Variants in LRBA observed in about 807,000 individuals in gnomAD.
The protein encoded by LRBA is lipopolysaccharide-responsive and beige-like anchor protein.
LRBA carries 176 observed loss-of-function variants against 330.0 expected under a neutral mutation model. That is an observed-to-expected ratio of 0.53 (90% confidence interval 0.47 to 0.60). The LOEUF (loss-of-function observed/expected upper bound fraction) is 0.60, where lower values mean the gene tolerates loss of function less well. LRBA is among the 20% of genes least tolerant of loss of function. The probability of loss-of-function intolerance (pLI) is 0.00; values close to 1 mark genes in which losing one functional copy is unlikely to be tolerated. For missense variants in LRBA, 3,259 were observed against 3,444.8 expected (o/e 0.95, Z 1.35); for synonymous variants, 1,230 against 1,193.0 (o/e 1.03, Z -0.64).
intron 37 of LRBA, among the ~76,000 whole-genome samples, chr4:150,645,926 AAAC>A (rs1779095035): frequency 1.4e-5 from 2 of 141,424 alleles, no homozygotes; most frequent in East Asian, 4.5e-4. Context: ...TCTCATTAGA[AAAC>A]CCATTACAGA....
At chr4:150,775,467 AC>A (rs1737156275) in intron 34 of LRBA, among the ~76,000 whole-genome samples, 2 of 108,160 alleles carry the variant, frequency 1.8e-5, no homozygotes, top group South Asian at 2.4e-4. Flanking sequence ...ACACACACAC[AC>A]ACACACACAC....
chr4:150,692,204 G>GTGTTTGTT (rs113091683), intron 36 of LRBA, among the ~76,000 whole-genome samples: 10 of 151,730 alleles, frequency 6.6e-5, no homozygotes, highest in African/African-American at 1.7e-4. Context: ...TATTTAAGAA[G>GTGTTTGTT]TGTTTGTTTG....
At chr4:150,914,618 T>G (rs1485693565) in intron 8 of LRBA, among the ~76,000 whole-genome samples, 1 of 152,138 alleles carries the variant, frequency 6.6e-6, no homozygotes, top group Non-Finnish European at 1.5e-5. Context: ...TTACTTAACC[T>G]CTTTGTACTT....
At chr4:150,803,079 T>TACAC (rs1203657007) in intron 33 of LRBA, among the ~76,000 whole-genome samples, 5 of 108,220 alleles carry the variant, frequency 4.6e-5, no homozygotes, top group African/African-American at 2.0e-4. Flanking sequence ...AAAAAAAATA[T>TACAC]ATATACACAC....
At chr4:150,485,407 A>C (rs1271830147) in intron 42 of LRBA, among the ~76,000 whole-genome samples, 3 of 151,862 alleles carry the variant, frequency 2.0e-5, no homozygotes. Flanking sequence ...TTATGGGTTG[A>C]CTTATGACTC....
chr4:150,336,922 T>C (rs1734827844), intron 48 of LRBA, among the ~76,000 whole-genome samples: 4 of 152,340 alleles, frequency 2.6e-5, no homozygotes, highest in African/African-American at 9.6e-5. Flanking sequence ...ACAGTATCTC[T>C]GTCTAGAACA....
chr4:150,477,168 C>T (rs1756806349), intron 42 of LRBA, among the ~76,000 whole-genome samples: 1 of 152,108 alleles, frequency 6.6e-6, no homozygotes, highest in South Asian at 2.1e-4. Context: ...ATGTGATGGA[C>T]AGTTTTCAGT....
At chr4:150,297,166 A>G (rs912780555) in intron 53 of LRBA, among the ~76,000 whole-genome samples, 3 of 152,088 alleles carry the variant, frequency 2.0e-5, no homozygotes, top group Non-Finnish European at 4.4e-5. Flanking sequence ...GCTATAACCT[A>G]TGGGCTGAAT....
At chr4:150,760,396 C>T (rs1734914212) in intron 35 of LRBA, among the ~76,000 whole-genome samples, 1 of 152,092 alleles carries the variant, frequency 6.6e-6, no homozygotes, top group Admixed American at 6.6e-5. Context: ...TACTGTTCTT[C>T]ATTTCAATCA....
At chr4:150,834,751 G>C (rs1053305308) in intron 28 of LRBA, among the ~76,000 whole-genome samples, 26 of 152,172 alleles carry the variant, frequency 1.7e-4, no homozygotes, top group African/African-American at 5.8e-4. Context: ...CCTGTCCTTT[G>C]TAACACTGAA....
chr4:150,959,790 TTA>T (rs914225877), intron 2 of LRBA, among the ~76,000 whole-genome samples: 1 of 145,408 alleles, frequency 6.9e-6, no homozygotes, highest in Non-Finnish European at 1.5e-5. Context: ...TTATCTATAA[TTA>T]TATATAAAGA....
At chr4:150,302,543 C>T in intron 53 of LRBA, 82 bp downstream of exon 53, 4 of 863,680 alleles carry the variant, frequency 4.6e-6, no homozygotes, top group South Asian at 3.0e-5. Flanking sequence ...TCACTTTTAC[C>T]ATAACAAAAA....
At chr4:150,653,152 C>T (rs1016027750) in intron 37 of LRBA, among the ~76,000 whole-genome samples, 6 of 152,054 alleles carry the variant, frequency 3.9e-5, no homozygotes, top group Non-Finnish European at 4.4e-5. Flanking sequence ...AGACCAGCCT[C>T]GGCAACATAG....
chr4:150,865,388 G>C (rs1360496871), intron 22 of LRBA, among the ~76,000 whole-genome samples: 1 of 152,154 alleles, frequency 6.6e-6, no homozygotes, highest in Non-Finnish European at 1.5e-5. Context: ...TGTGAAAGTA[G>C]CCATATACAA....
intron 51 of LRBA, chr4:150,310,844 G>C (rs1443384475): frequency 6.5e-6 from 1 of 153,646 alleles, no homozygotes; most frequent in African/African-American, 2.4e-5. Flanking sequence ...AAATATTGTA[G>C]CATCTTGTAC....
chr4:150,499,875 T>TA (rs1019534084), intron 40 of LRBA, among the ~76,000 whole-genome samples: 3 of 151,878 alleles, frequency 2.0e-5, no homozygotes, highest in African/African-American at 7.3e-5. Context: ...AAGCCCTCCC[T>TA]AAAAAAGTGT....
chr4:150,702,453 A>T (rs1785207713), intron 36 of LRBA, among the ~76,000 whole-genome samples: 1 of 152,222 alleles, frequency 6.6e-6, no homozygotes, highest in Non-Finnish European at 1.5e-5. Context: ...AAATACCAAG[A>T]TAATTACATA....
chr4:150,319,873 C>T (rs1470464376), intron 50 of LRBA, among the ~76,000 whole-genome samples: 1 of 152,130 alleles, frequency 6.6e-6, no homozygotes, highest in African/African-American at 2.4e-5. Context: ...GGCATGAGGT[C>T]CTTGTTCAAG....
In LRBA at chr4:150,844,125, A is replaced by G; in HGVS notation, c.4544T>C (p.Leu1515Pro). The change falls in exon 28 of 57, where the codon CTT becomes CCT. Residue 1515 changes from leucine (L) to proline (P), a missense_variant. By Grantham distance (98) the Leu-to-Pro change is moderately conservative. Coordinates refer to ENST00000651943, the MANE Select transcript of LRBA (RefSeq NM_001364905.1). ...RLLQDMDINR[L>P]RAVVFRDIED... ...TATGTCTCTGAAAACAACTGCCCTA[A>G]GCCGATTAATATCCATGTCCTGTAG... 6.2e-7 allele frequency: 1 copy of G among 1,611,010 alleles called. No homozygotes were observed. Among genetic ancestry groups the G allele is most frequent in the Non-Finnish European group, 8.5e-7 (1 of 1,177,780 alleles).
Sources: gnomAD v4.1 joint callset for allele counts (sites outside exome capture counted in the v4.1 genomes callset) on GRCh38, gnomAD v4.1.1 for gene constraint, MANE v1.5 for transcripts, NCBI Gene and HGNC (gene_info 2026-07-23, HGNC 2026-07-21) for gene names.